The following OTP variants were observed in gnomAD, a reference collection of about 807,000 sequenced individuals.
The protein encoded by OTP is orthopedia homeobox.
OTP carries 5 observed loss-of-function variants against 22.3 expected under a neutral mutation model. The observed-to-expected ratio is 0.22, with a 90% CI of 0.12 to 0.47. The LOEUF (loss-of-function observed/expected upper bound fraction) is 0.47. OTP is among the 20% of genes least tolerant of loss of function. The pLI is 0.99. For synonymous variants in OTP, 229 were observed against 210.6 expected (o/e 1.09, Z -0.76); for missense variants, 428 against 456.2 (o/e 0.94, Z 0.56).
At position 77,630,465 on chromosome 5, in the gene OTP, G is replaced by A. The variant is rs184625237; in HGVS notation, c.777C>T (p.Ser259=). ...SMGLSNSLAG[S]NGAGLQSHLY... ...GGTGCGACTGCAGCCCCGCGCCGTT[G>A]GAACCCGCCAGGCTGTTGGACAGGC... Residue 259 remains serine (S), a synonymous_variant, in exon 3 of 3, where the codon TCC becomes TCT. Transcript: ENST00000306422. 2.5e-4 allele frequency: 400 copies of A among 1,588,382 alleles called. 2 individuals carry two copies. In the African/African-American group the frequency reaches 4.6e-3, roughly 18 times the overall value.
rs200006462 is a variant in OTP, at chr5:77,628,959, G to A, written c.*1305C>T. On this transcript the variant is annotated 3_prime_UTR_variant, in exon 3 of 3. Transcript: ENST00000306422. Reference sequence around the variant, plus strand: ...TTCTTAGAAAGCGCTTCTGTTCTCTGGGTTTGGATTTGACCAGCACATGCA... The same window carrying A: ...TTCTTAGAAAGCGCTTCTGTTCTCTAGGTTTGGATTTGACCAGCACATGCA... 1.3e-5 allele frequency: 2 copies of A among 152,614 alleles called. No homozygotes were observed. The highest frequency in any genetic ancestry group is 1.9e-4 in the East Asian group (1 of 5,198). The allele number at this position is 152,614 out of a possible 1,614,324, so 9.5% of individuals were successfully genotyped here.
rs139351283 is a variant in OTP at position 77,634,935 on chromosome 5, T to G, written c.447+1886A>C. Among the ~76,000 whole-genome samples the G allele has an allele frequency of 3.0e-3, 461 of 152,296 alleles. 4 individuals are homozygous for G. The highest frequency in any genetic ancestry group is 0.01 in the African/African-American group (433 of 41,574). On this transcript the variant is annotated intron_variant, in intron 2 of 2. Coordinates refer to ENST00000306422, the MANE Select transcript of OTP (RefSeq NM_032109.3). ...CTTGTGCATTCTTTTGTGTACTTTT[T>G]GAAAATAACTATTTCTGTTACATAG...
rs1745047270 is a variant in OTP at position 77,638,514 on chromosome 5, T to G, written c.36A>C (p.Leu12=). The G allele has an allele frequency of 6.4e-7, 1 of 1,574,358 alleles. No homozygotes were observed. Among genetic ancestry groups the G allele is most frequent in the Non-Finnish European group, 8.6e-7 (1 of 1,160,432 alleles). Residue 12 remains leucine, a splice_region_variant and synonymous_variant, in exon 1 of 3, where the codon CTA becomes CTC. Coordinates refer to ENST00000306422, the MANE Select transcript of OTP (RefSeq NM_032109.3). ...LSHADLLDAR[L]GMKDAAELLG... The stretch of plus-strand genomic sequence containing the variant: ...CCCGGGCGAGAGGCGCGCACTCACC[T>G]AGCCTGGCGTCCAGGAGGTCGGCAT...
At position 77,637,038 on chromosome 5, in the gene OTP, G is replaced by A. The variant is rs199908221; in HGVS notation, c.230C>T (p.Ala77Val). 92 of 1,612,796 alleles carry A rather than the reference G, an allele frequency of 5.7e-5. No individual in the cohort carries two copies. Among genetic ancestry groups the A allele is most frequent in the Middle Eastern group, 4.9e-4 (3 of 6,076 alleles). Residue 77 changes from alanine (A) to valine (V), a missense_variant, in exon 2 of 3, where the codon GCC becomes GTC. Around this residue, in one of 3 missense-constraint regions of OTP, gnomAD observed 176 missense variants for 162.9 expected, o/e 1.08. Coordinates refer to ENST00000306422, the MANE Select transcript of OTP (RefSeq NM_032109.3). ...CCCGGGCTGCTTGTCCGGGTCTTTG[G>A]CGCTCACCGCCAGCGAGGCCGGAGT... ...GSTPASLAVS[A>V]KDPDKQPGPQ... is the part of the protein sequence containing the mutation.
At chr5:77,637,362 C>G (rs886307312) in intron 1 of OTP, 132 bp from the exon 2 acceptor site, 65 of 1,083,490 alleles carry the variant, frequency 6.0e-5, no homozygotes, top group Non-Finnish European at 7.7e-5. Flanking sequence ...AAGAAACTCC[C>G]AGGGTATTCA....
chr5:77,635,211 C>A (rs1186074115), intron 2 of OTP, among the ~76,000 whole-genome samples: 2 of 152,088 alleles, frequency 1.3e-5, no homozygotes, highest in Non-Finnish European at 2.9e-5. Flanking sequence ...GACAAAACCC[C>A]AAAATTTATG....
chr5:77,634,539 G>A (rs13357763), intron 2 of OTP, among the ~76,000 whole-genome samples: 62,449 of 152,002 alleles, frequency 0.41, 13,386 homozygotes, highest in Admixed American at 0.46. Flanking sequence ...TTTAATCAGC[G>A]CAGTGGCCCA....
chr5:77,638,673 A>G lies in OTP; in HGVS notation c.-124T>C, dbSNP rs888860724. 3.1e-6 allele frequency: 3 copies of G among 975,296 alleles called. No homozygotes were observed. The highest frequency in any genetic ancestry group is 4.3e-6 in the Non-Finnish European group (3 of 703,148). The allele number at this position is 975,296 out of a possible 1,614,324, so 60.4% of individuals were successfully genotyped here. On this transcript the variant is annotated 5_prime_UTR_variant, in exon 1 of 3. Coordinates refer to ENST00000306422, the MANE Select transcript of OTP (RefSeq NM_032109.3). ...ATATAGATCACCTAAATGAAAGAAA[A>G]TTCGGTTTGTGGTTAAAAAGGGGGC...
At position 77,630,366 on chromosome 5, in the gene OTP, C is replaced by G; in HGVS notation, c.876G>C (p.Gln292His). 1.3e-6 allele frequency: 2 copies of G among 1,576,204 alleles called. No homozygotes were observed. Among genetic ancestry groups the G allele is most frequent in the Non-Finnish European group, 1.7e-6 (2 of 1,164,918 alleles). The change falls in exon 3 of 3, where the codon CAG becomes CAC. Residue 292 changes from glutamine to histidine, a missense_variant. Gln to His is a conservative substitution (Grantham distance 24, BLOSUM62 0). Coordinates refer to ENST00000306422, the MANE Select transcript of OTP (RefSeq NM_032109.3). The stretch of plus-strand genomic sequence containing the variant: ...CGCTGCTGTCCGGGGAGCTGCAGAG[C>G]TGGGGCGAACCGGAGACGTTGCTGG... ...PGPSNVSGSP[Q>H]LCSSPDSSDV...
chr5:77,633,084 C>CAAGT (rs1408634883), intron 2 of OTP, among the ~76,000 whole-genome samples: 6 of 152,070 alleles, frequency 3.9e-5, no homozygotes, highest in African/African-American at 1.4e-4. Flanking sequence ...TAACAACCTG[C>CAAGT]AAGTGCCAGT....
chr5:77,638,387 T>A, intron 1 of OTP, 126 bp downstream of exon 1: 1 of 927,714 alleles, frequency 1.1e-6, no homozygotes, highest in Admixed American at 2.3e-5. Context: ...AATTAAACTT[T>A]AATGCAGCAC....
chr5:77,633,384 G>C (rs1421311056), intron 2 of OTP, among the ~76,000 whole-genome samples: 1 of 152,150 alleles, frequency 6.6e-6, no homozygotes, highest in African/African-American at 2.4e-5. Flanking sequence ...AAAAATCTGC[G>C]TGGGGTCTGA....
At chr5:77,632,007 A>G (rs1371542701) in intron 2 of OTP, among the ~76,000 whole-genome samples, 2 of 152,326 alleles carry the variant, frequency 1.3e-5, no homozygotes. Context: ...ACTACGAGAT[A>G]TATGAATCAA....
chr5:77,637,272 T>C (rs911070966), intron 1 of OTP, 42 bp from the exon 2 acceptor site: 42 of 1,458,592 alleles, frequency 2.9e-5, no homozygotes, highest in Non-Finnish European at 3.8e-5. Context: ...TTCTTGGCGA[T>C]GCCAGGAGGG....
At chr5:77,636,122 C>T (rs1322316646) in intron 2 of OTP, 1 of 152,226 alleles carries the variant, frequency 6.6e-6, no homozygotes. Context: ...ATATCCACAA[C>T]AGAAAGCCTT....
chr5:77,630,841 C>G (rs754398327), intron 2 of OTP, 47 bp from the exon 3 acceptor site: 10 of 1,478,290 alleles, frequency 6.8e-6, no homozygotes, highest in Non-Finnish European at 8.0e-6. Flanking sequence ...TTAGCCGGCC[C>G]GGCGGCTGGG....
At chr5:77,637,809 A>G (rs1745034235) in intron 1 of OTP, among the ~76,000 whole-genome samples, 1 of 152,170 alleles carries the variant, frequency 6.6e-6, no homozygotes, top group Non-Finnish European at 1.5e-5. Context: ...TCCATCACCG[A>G]AGATTCCCAA....
chr5:77,630,372 C>A lies in OTP; in HGVS notation c.870G>T (p.Ser290=), dbSNP rs1477474687. The A allele has an allele frequency of 6.3e-7, 1 of 1,576,536 alleles. No individual in the cohort carries two copies. Among genetic ancestry groups the A allele is most frequent in the Non-Finnish European group, 8.6e-7 (1 of 1,165,170 alleles). The stretch of plus-strand genomic sequence containing the variant: ...TGTCCGGGGAGCTGCAGAGCTGGGG[C>A]GAACCGGAGACGTTGCTGGGGCCGG... ...SLPGPSNVSG[S]PQLCSSPDSS... is the part of the protein sequence containing the mutation. The change falls in exon 3 of 3, where the codon TCG becomes TCT. Residue 290 remains serine (S), a synonymous_variant. Coordinates refer to ENST00000306422, the MANE Select transcript of OTP (RefSeq NM_032109.3).
At chr5:77,630,862 T>C (rs2112366673) in intron 2 of OTP, 68 bp from the exon 3 acceptor site, 8 of 1,443,312 alleles carry the variant, frequency 5.5e-6, no homozygotes, top group South Asian at 2.9e-5. Context: ...GAGTTGGGGC[T>C]TGAGCCCCAG....
Sources: allele counts gnomAD v4.1 joint callset (sites outside exome capture counted in the v4.1 genomes callset), GRCh38; gene constraint gnomAD v4.1.1; regional missense constraint gnomAD v4.1.1; transcripts MANE v1.5; gene names NCBI Gene and HGNC (gene_info 2026-07-23, HGNC 2026-07-21).